TRIP11: variants seen among roughly 807,000 people sequenced by gnomAD.
TRIP11 encodes thyroid hormone receptor interactor 11.
TRIP11 carries 148 observed loss-of-function variants against 223.1 expected under a neutral mutation model. The ratio of observed to expected loss-of-function variants is 0.66; its 90% confidence interval spans 0.58 to 0.76. The LOEUF is 0.76. TRIP11 is among the 30% of genes least tolerant of loss of function. The pLI is 0.00. For missense variants in TRIP11, 2,043 were observed against 2,222.0 expected (o/e 0.92, Z 1.62); for synonymous variants, 762 against 772.6 (o/e 0.99, Z 0.23).
chr14:92,004,530 C>G lies in TRIP11; in HGVS notation c.3446G>C (p.Ser1149Thr), dbSNP rs1358223001. ...ENKKLSTRFE[S>T]SGQDMFRETI... Reference sequence around the variant, plus strand: ...TTCTCTAAACATATCTTGGCCACTACTTTCAAATCTAGTGGACAATTTTTT... The same window carrying G: ...TTCTCTAAACATATCTTGGCCACTAGTTTCAAATCTAGTGGACAATTTTTT... The change falls in exon 11 of 21, where the codon AGT (serine) becomes ACT (threonine). Residue 1149 changes from serine (S) to threonine (T), a missense_variant. By Grantham distance (58) the Ser-to-Thr change is moderately conservative. Transcript: ENST00000267622. 6.2e-7 allele frequency: 1 copy of G among 1,613,182 alleles called. No individual in the cohort carries two copies. Among genetic ancestry groups the G allele is most frequent in the African/African-American group, 1.3e-5 (1 of 74,916 alleles).
In TRIP11 at chr14:92,004,809, T is replaced by G. The variant is rs1469632949; in HGVS notation, c.3167A>C (p.Lys1056Thr). 13 of 1,613,982 alleles carry G rather than the reference T, an allele frequency of 8.1e-6. No homozygotes were observed. Among genetic ancestry groups the G allele is most frequent in the Non-Finnish European group, 1.1e-5 (13 of 1,180,020 alleles). ...IDQLSKDEVG[K>T]LTQIIQQKDL... ...TTTCTGCTGAATAATCTGAGTTAGT[T>G]TACCAACTTCATCTTTGGACAACTG... Residue 1056 changes from lysine (K) to threonine (T), a missense_variant, in exon 11 of 21, where the codon AAA becomes ACA. Coordinates refer to ENST00000267622, the MANE Select transcript of TRIP11 (RefSeq NM_004239.4).
rs17127864 is a variant in TRIP11, at chr14:92,016,303, C to A, written c.658-442G>T. On this transcript the variant is annotated intron_variant, in intron 5 of 20. Coordinates refer to ENST00000267622, the MANE Select transcript of TRIP11 (RefSeq NM_004239.4). ...TCCCAAACTGTCAACCTGGCGCCTTCCTACCCAAGTTGAGCCCACTGTGTC... is the reference window on the plus strand; with the variant it reads ...TCCCAAACTGTCAACCTGGCGCCTTACTACCCAAGTTGAGCCCACTGTGTC... Among the ~76,000 whole-genome samples the A allele has an allele frequency of 6.7e-3, 1,021 of 152,260 alleles. 10 individuals are homozygous for A. Among genetic ancestry groups the A allele is most frequent in the African/African-American group, 0.023 (957 of 41,556 alleles).
Position 91,969,419 on chromosome 14 carries a change from GTAAAAGA to G in TRIP11, c.*247_*253del. 1 of 486,840 alleles carries G rather than the reference GTAAAAGA, an allele frequency of 2.1e-6. No homozygotes were observed. The highest frequency in any genetic ancestry group is 3.4e-5 in the East Asian group (1 of 29,416). The allele number at this position is 486,840 out of a possible 1,614,324, so 30.2% of individuals were successfully genotyped here. ...TCTGTCTGTATTTTTGTAAATTAAG[GTAAAAGA>G]TAAATTAAATGTTCCTAGCTTAAAT... On this transcript the variant is annotated 3_prime_UTR_variant, in exon 21 of 21. Transcript: ENST00000267622.
intron 15 of TRIP11, 31 bp downstream of exon 15, chr14:91,993,778 A>C: frequency 2.0e-6 from 3 of 1,525,150 alleles, no homozygotes; most frequent in Non-Finnish European, 2.7e-6. Context: ...ATGAATAATA[A>C]AACCTACAAG....
At position 92,039,718 on chromosome 14, in the gene TRIP11, C is replaced by A. The variant is rs780030335; in HGVS notation, c.-33G>T. The A allele has an allele frequency of 5.0e-6, 8 of 1,601,832 alleles. No individual in the cohort carries two copies. In the South Asian group the frequency reaches 5.6e-5, roughly 11 times the overall value. On this transcript the variant is annotated 5_prime_UTR_variant, in exon 1 of 21. Transcript: ENST00000267622. ...AGTTTAGAGAACGACCCGGTCCGCTCGGAAAAAAGAAAACGTTTAGCGCCG... is the reference window on the plus strand; with the variant it reads ...AGTTTAGAGAACGACCCGGTCCGCTAGGAAAAAAGAAAACGTTTAGCGCCG...
rs1339216110 is a variant in TRIP11 at position 91,967,874 on chromosome 14, AAAT to A, written c.*1796_*1798del. ...AACCAAGGAGTAACAACTCACAGAG[AAAT>A]AATAATAGGCAAAAACCAAGAGGCA... On this transcript the variant is annotated 3_prime_UTR_variant, in exon 21 of 21. Transcript: ENST00000267622. 2 of 200,058 alleles carry A rather than the reference AAAT, an allele frequency of 1.0e-5. No homozygotes were observed. Among genetic ancestry groups the A allele is most frequent in the East Asian group, 7.8e-5 (1 of 12,848 alleles). The allele number at this position is 200,058 out of a possible 1,614,324, so 12.4% of individuals were successfully genotyped here.
In TRIP11 at chr14:92,004,249, G is replaced by C. The variant is rs1276729769; in HGVS notation, c.3727C>G (p.Gln1243Glu). The C allele has an allele frequency of 6.2e-7, 1 of 1,614,112 alleles. No individual in the cohort carries two copies. Among genetic ancestry groups the C allele is most frequent in the Admixed American group, 1.7e-5 (1 of 60,018 alleles). The change falls in exon 11 of 21, where the codon CAG becomes GAG. Residue 1243 changes from glutamine to glutamate, a missense_variant. Transcript: ENST00000267622. ...QNMQHESAQL[Q>E]EELHQLQAQV... ...GCTTGAAGTTGGTGAAGCTCTTCCT[G>C]AAGCTGGGCTGACTCGTGTTGCATA...
At chr14:92,018,272 G>A (rs187496431) in intron 4 of TRIP11, among the ~76,000 whole-genome samples, 2 of 149,464 alleles carry the variant, frequency 1.3e-5, no homozygotes, top group East Asian at 3.9e-4. Context: ...TTTTTTTTTT[G>A]TAGAGATGGG....
intron 16 of TRIP11, chr14:91,977,096 C>A: frequency 3.0e-6 from 1 of 334,576 alleles, no homozygotes. Flanking sequence ...TAGAAACATT[C>A]ACATCCAAAC....
At position 92,039,700 on chromosome 14, in the gene TRIP11, A is replaced by G; in HGVS notation, c.-15T>C. On this transcript the variant is annotated 5_prime_UTR_variant, in exon 1 of 21. Transcript: ENST00000267622. ...CAGGACGACATCGCGGCGAGTTTAG[A>G]GAACGACCCGGTCCGCTCGGAAAAA... 1.2e-6 allele frequency: 2 copies of G among 1,609,924 alleles called. No individual in the cohort carries two copies. The highest frequency in any genetic ancestry group is 8.5e-7 in the Non-Finnish European group (1 of 1,178,202).
Position 92,039,758 on chromosome 14 carries a change from C to G in TRIP11, c.-73G>C. 6.4e-7 allele frequency: 1 copy of G among 1,559,964 alleles called. No individual in the cohort carries two copies. Among genetic ancestry groups the G allele is most frequent in the South Asian group, 1.2e-5 (1 of 84,806 alleles). The stretch of plus-strand genomic sequence containing the variant: ...GTTTAGCGCCGCCGGGCGATCCGAC[C>G]AAATATCCTTGAACGCCTGCCTTCG... On this transcript the variant is annotated 5_prime_UTR_variant, in exon 1 of 21. Coordinates refer to ENST00000267622, the MANE Select transcript of TRIP11 (RefSeq NM_004239.4).
intron 16 of TRIP11, among the ~76,000 whole-genome samples, chr14:91,983,905 G>C (rs2056573563): frequency 6.6e-6 from 1 of 152,158 alleles, no homozygotes; most frequent in South Asian, 2.1e-4. Context: ...GCACCGTAAA[G>C]GTAGTTCCAC....
At chr14:91,992,715 C>A (rs987602179) in intron 15 of TRIP11, among the ~76,000 whole-genome samples, 2 of 151,776 alleles carry the variant, frequency 1.3e-5, no homozygotes, top group Non-Finnish European at 2.9e-5. Context: ...CGAGACTATC[C>A]TGGCTAACAT....
At chr14:92,017,124 A>T (rs1049493159) in intron 5 of TRIP11, among the ~76,000 whole-genome samples, 2 of 152,232 alleles carry the variant, frequency 1.3e-5, no homozygotes, top group East Asian at 3.8e-4. Flanking sequence ...GTTTTACAAG[A>T]TACAATAGAG....
intron 9 of TRIP11, among the ~76,000 whole-genome samples, chr14:92,008,999 A>T (rs1165451288): frequency 2.0e-5 from 3 of 152,264 alleles, no homozygotes; most frequent in African/African-American, 7.2e-5. Flanking sequence ...GAGATCCGAT[A>T]AAAGCTATAC....
Position 91,968,710 on chromosome 14 carries a change from C to T in TRIP11, c.*963G>A, listed in dbSNP as rs2056364831. On this transcript the variant is annotated 3_prime_UTR_variant, in exon 21 of 21. Coordinates refer to ENST00000267622, the MANE Select transcript of TRIP11 (RefSeq NM_004239.4). ...GAACAAACTAGTGATACATCCAAAG[C>T]CTTGGATGGATCTCAAGGGAATTAT... is the stretch of plus-strand genomic sequence containing the variant. 1 of 228,228 alleles carries T rather than the reference C, an allele frequency of 4.4e-6. No homozygotes were observed. Among genetic ancestry groups the T allele is most frequent in the Non-Finnish European group, 8.7e-6 (1 of 114,368 alleles). The allele number at this position is 228,228 out of a possible 1,614,324, so 14.1% of individuals were successfully genotyped here.
rs1472694751 is a variant in TRIP11 at position 91,978,297 on chromosome 14, TCTC to T, written c.5261-2111_5261-2109del. Among the ~76,000 whole-genome samples, 3 of 152,064 alleles carry T rather than the reference TCTC, an allele frequency of 2.0e-5. No homozygotes were observed. The highest frequency in any genetic ancestry group is 4.4e-5 in the Non-Finnish European group (3 of 68,002). On this transcript the variant is annotated intron_variant, in intron 16 of 20. Transcript: ENST00000267622. The surrounding 1 kb of genome is among the most constrained non-coding windows in gnomAD (Gnocchi z 4.4). ...GACAGAGTAAAGATGGGCATGGTCTTCTCCTCCTTCCTCCTCCATTCCTCCCCA... is the reference window on the plus strand; with the variant it reads ...GACAGAGTAAAGATGGGCATGGTCTTCTCCTTCCTCCTCCATTCCTCCCCA...
In TRIP11 at chr14:92,003,710, T is replaced by C. The variant is rs774335020; in HGVS notation, c.4266A>G (p.Gln1422=). Residue 1422 remains glutamine, a synonymous_variant, in exon 11 of 21, where the codon CAA becomes CAG. Transcript: ENST00000267622. ...KDLLIKAKSD[Q]LLSSNENFTN... ...TGAAATTTTCATTGGAAGAAAGTAG[T>C]TGATCACTTTTGGCTTTGATTAAGA... is the stretch of plus-strand genomic sequence containing the variant. 15 of 1,614,088 alleles carry C rather than the reference T, an allele frequency of 9.3e-6. No homozygotes were observed. The East Asian group carries it at 3.3e-4, about 36-fold the overall frequency.
intron 11 of TRIP11, among the ~76,000 whole-genome samples, chr14:92,002,073 G>A (rs2056834105): frequency 6.6e-6 from 1 of 152,020 alleles, no homozygotes; most frequent in Non-Finnish European, 1.5e-5. Flanking sequence ...TTATTGTTTT[G>A]CCTATCATCT....
Sources: allele counts gnomAD v4.1 joint callset (sites outside exome capture counted in the v4.1 genomes callset), GRCh38; gene constraint gnomAD v4.1.1; non-coding constraint Gnocchi (gnomAD v3.1); transcripts MANE v1.5; gene names NCBI Gene and HGNC (gene_info 2026-07-23, HGNC 2026-07-21).